The following GK variants were observed in gnomAD, a reference collection of about 807,000 sequenced individuals.
The protein encoded by GK is ATP:glycerol 3-phosphotransferase.
A neutral mutation model predicts 56.4 loss-of-function variants in GK; 9 were observed. The ratio of observed to expected loss-of-function variants is 0.16; its 90% CI spans 0.10 to 0.28. GK has a LOEUF of 0.28. Among genes scored for constraint, GK ranks in the 10% least tolerant of loss-of-function variants. The pLI is 1.00. For missense variants in GK, 161 were observed against 431.4 expected, an observed-to-expected ratio of 0.37 and a Z score of 5.55; for synonymous variants, 104 against 144.1, an observed-to-expected ratio of 0.72 and a Z score of 1.99.
At chrX:30,689,758 T>C (rs1019132767) in intron 4 of GK, 1 of 238,589 alleles carries the variant, frequency 4.2e-6, no homozygotes, top group East Asian at 1.1e-4. Flanking sequence ...GTACACTACA[T>C]GGCTGAGGGT....
intron 11 of GK, among the ~76,000 whole-genome samples, chrX:30,705,179 G>A (rs1007531702): frequency 8.9e-6 from 1 of 111,911 alleles, no homozygotes; most frequent in African/African-American, 3.3e-5. Context: ...GACCAAGTAA[G>A]AGGTTAGAGA....
intron 6 of GK, 98 bp downstream of exon 6, chrX:30,694,635 TAGC>T: frequency 1.4e-6 from 1 of 690,799 alleles, no homozygotes; most frequent in Non-Finnish European, 2.3e-6. Context: ...ACTTTTTAAT[TAGC>T]AGCATTATGA....
At chrX:30,653,776 C>T (rs1932025357) in intron 1 of GK, among the ~76,000 whole-genome samples, 161 bp downstream of exon 1, 2 of 112,364 alleles carry the variant, frequency 1.8e-5, no homozygotes, top group Non-Finnish European at 3.8e-5. Context: ...TGGGGATGCC[C>T]CAGCCAGGCC....
intron 1 of GK, among the ~76,000 whole-genome samples, chrX:30,654,598 C>A (rs1932109693): frequency 9.0e-6 from 1 of 110,599 alleles, no homozygotes; most frequent in African/African-American, 3.3e-5. Context: ...TGGCGGGCGC[C>A]TGTAATCCTA....
chrX:30,718,749 G>A (rs1936751556), intron 14 of GK, 133 bp downstream of exon 14: 3 of 483,237 alleles, frequency 6.2e-6, no homozygotes, highest in Non-Finnish European at 7.4e-6. Context: ...TTATGAGTTT[G>A]ACTTATGCAA....
intron 18 of GK, among the ~76,000 whole-genome samples, chrX:30,723,544 C>T (rs1006875217): frequency 5.4e-5 from 6 of 111,555 alleles, no homozygotes; most frequent in Non-Finnish European, 9.4e-5. Context: ...TGTGAGTGGC[C>T]CAGTCTGCAT....
chrX:30,672,758 G>A (rs961900106), intron 3 of GK, among the ~76,000 whole-genome samples: 2 of 111,168 alleles, frequency 1.8e-5, no homozygotes, highest in Admixed American at 9.5e-5. Context: ...AGGTTGCGGT[G>A]AGCCGAGATC....
chrX:30,656,261 A>C (rs1601860191), intron 1 of GK, among the ~76,000 whole-genome samples: 1 of 112,462 alleles, frequency 8.9e-6, no homozygotes, highest in Non-Finnish European at 1.9e-5. Context: ...ATTATGACTG[A>C]AAAATAATTG....
At chrX:30,719,227 G>C (rs1754526369) in intron 14 of GK, among the ~76,000 whole-genome samples, 192 bp from the exon 15 acceptor site, 1 of 111,253 alleles carries the variant, frequency 9.0e-6, no homozygotes, top group Non-Finnish European at 1.9e-5. Context: ...ATTTTAGTGG[G>C]GGGTATTTAA....
intron 8 of GK, 99 bp downstream of exon 8, chrX:30,696,782 A>G: frequency 1.6e-6 from 1 of 636,890 alleles, no homozygotes; most frequent in East Asian, 3.5e-5. Context: ...AAACAAGTTT[A>G]CTATTCATAA....
At chrX:30,713,196 A>T (rs1180108125) in intron 13 of GK, among the ~76,000 whole-genome samples, 1 of 111,188 alleles carries the variant, frequency 9.0e-6, no homozygotes, top group Non-Finnish European at 1.9e-5. Flanking sequence ...CCTGGCTTCA[A>T]GCATTGAGCC....
chrX:30,715,981 ACT>A (rs1936598526), intron 13 of GK, among the ~76,000 whole-genome samples: 1 of 111,607 alleles, frequency 9.0e-6, no homozygotes, highest in South Asian at 3.7e-4. Context: ...TCTAAATAAT[ACT>A]CTGATTCTCA....
At chrX:30,674,774 C>T (rs1051129815) in intron 3 of GK, among the ~76,000 whole-genome samples, 4 of 111,013 alleles carry the variant, frequency 3.6e-5, no homozygotes, top group African/African-American at 9.8e-5. Context: ...GGTACAGACC[C>T]GTCACCCAGT....
chrX:30,699,358 T>TAC (rs1191806145), intron 9 of GK, among the ~76,000 whole-genome samples: 1 of 83,971 alleles, frequency 1.2e-5, no homozygotes, highest in Non-Finnish European at 2.3e-5. Context: ...TATATATATA[T>TAC]ACACACACAC....
intron 11 of GK, among the ~76,000 whole-genome samples, chrX:30,707,348 T>C (rs1283019610): frequency 1.8e-5 from 2 of 109,375 alleles, no homozygotes; most frequent in African/African-American, 3.3e-5. Flanking sequence ...AAAAAAAAGA[T>C]TGCACTAAGT....
intron 14 of GK, among the ~76,000 whole-genome samples, chrX:30,718,909 A>G (rs892756056): frequency 1.8e-5 from 2 of 111,882 alleles, no homozygotes; most frequent in African/African-American, 6.5e-5. Flanking sequence ...AGTTGAGTTA[A>G]ATTTATCTGA....
Position 30,659,474 on chromosome X carries a change from C to T in GK, c.78+5859C>T, listed in dbSNP as rs568762979. Among the ~76,000 whole-genome samples the T allele has an allele frequency of 3.0e-4, 34 of 112,496 alleles. No homozygotes were observed. In the South Asian group the frequency reaches 5.4e-3, roughly 18 times the overall value. ...TTTTATTTTCAGTCACTCACATTTA[C>T]GTAGTATCATGGTGTTCTCAAGAGG... On this transcript the variant is annotated intron_variant, in intron 1 of 20. Coordinates refer to ENST00000427190, the MANE Select transcript of GK (RefSeq NM_001205019.2).
rs757286845 is a variant in GK, at chrX:30,678,024, A to G, written c.337+572A>G. ...CTTACAAATGAGTGAATGTTTGCCA[A>G]ATTGTTTTATAACCCCTGCTGTTTG... On this transcript the variant is annotated intron_variant, in intron 4 of 20. Transcript: ENST00000427190. 5 of 547,206 alleles carry G rather than the reference A, an allele frequency of 9.1e-6. No homozygotes were observed. The East Asian group carries it at 1.3e-4, about 15-fold the overall frequency. The allele number at this position is 547,206 out of a possible 1,213,427, so 45.1% of individuals were successfully genotyped here.
rs1491126166 is a variant in GK at position 30,662,787 on chromosome X, CTT to C, written c.79-2722_79-2721del. On this transcript the variant is annotated intron_variant, in intron 1 of 20. Transcript: ENST00000427190. ...CTTCCTTCTCTCTCTCTCTCTCTCT[CTT>C]TCTTTCCTTCCTTCCTTCCTTCTCT... Among the ~76,000 whole-genome samples the C allele has an allele frequency of 1.4e-3, 141 of 100,056 alleles. 1 individual carries two copies. Among genetic ancestry groups the C allele is most frequent in the African/African-American group, 4.9e-3 (127 of 25,696 alleles). The allele number at this position is 100,056 out of a possible 115,157, so 86.9% of individuals were successfully genotyped here.
Sources: gnomAD v4.1 joint callset for allele counts (sites outside exome capture counted in the v4.1 genomes callset) on GRCh38, gnomAD v4.1.1 for gene constraint, MANE v1.5 for transcripts, NCBI Gene and HGNC (gene_info 2026-07-23, HGNC 2026-07-21) for gene names.